ZMYM6: variants seen among roughly 807,000 people sequenced by gnomAD.
ZMYM6 encodes zinc finger MYM-type protein 6.
Under a neutral mutation model 134.0 loss-of-function variants are expected in ZMYM6, and 90 were observed. The ratio of observed to expected loss-of-function variants is 0.67; its 90% CI spans 0.57 to 0.80. The LOEUF is 0.80. Ranked by LOEUF, ZMYM6 falls within the 30% of genes least tolerant of loss-of-function variation. The pLI is 0.00. For missense variants in ZMYM6, 1,362 were observed against 1,533.9 expected, an observed-to-expected ratio of 0.89 and a Z score of 1.87; for synonymous variants, 481 against 524.1, an observed-to-expected ratio of 0.92 and a Z score of 1.12.
intron 2 of ZMYM6, among the ~76,000 whole-genome samples, chr1:35,024,646 T>C (rs2148461193): frequency 6.6e-6 from 1 of 152,328 alleles, no homozygotes; most frequent in Admixed American, 6.5e-5. Flanking sequence ...CACTTTATTG[T>C]TGATACTCAA....
At chr1:34,998,363 G>A (rs1640823387) in intron 14 of ZMYM6, among the ~76,000 whole-genome samples, 2 of 152,132 alleles carry the variant, frequency 1.3e-5, no homozygotes, top group South Asian at 2.1e-4. Context: ...TTTTAACTAC[G>A]TAGCTTTATA....
chr1:35,011,095 C>T (rs1244286501), intron 8 of ZMYM6, 59 bp from the exon 9 acceptor site: 4 of 1,508,976 alleles, frequency 2.7e-6, no homozygotes, highest in Non-Finnish European at 3.6e-6. Flanking sequence ...TAACTTTGTA[C>T]TTTTCATTTC....
chr1:35,016,688 T>C (rs1641193149), intron 4 of ZMYM6, among the ~76,000 whole-genome samples: 1 of 152,124 alleles, frequency 6.6e-6, no homozygotes, highest in South Asian at 2.1e-4. Context: ...ACCACAAAAA[T>C]GATGGAGTGC....
In ZMYM6 at chr1:34,988,677, T is replaced by A; in HGVS notation, c.2405A>T (p.Asp802Val). 1.3e-6 allele frequency: 2 copies of A among 1,547,836 alleles called. No individual in the cohort carries two copies. Residue 802 changes from aspartate to valine, a missense_variant, in exon 16 of 16, where the codon GAT becomes GTT. Physicochemically the swap from Asp to Val is radical, Grantham distance 152 (BLOSUM62 -3). This residue lies in a region of ZMYM6 where 824 missense variants were observed against 940.9 expected (regional missense o/e 0.88). Coordinates refer to ENST00000357182, the MANE Select transcript of ZMYM6 (RefSeq NM_007167.4). ...TTCTAAAGATTTTTGTTCAAAAAAA[T>A]CTACTGGTTTGTTTTCTAATTCTGA... ...KHSELENKPV[D>V]FFEQKSLEME...
intron 12 of ZMYM6, among the ~76,000 whole-genome samples, chr1:35,006,039 G>C (rs944048345): frequency 1.3e-5 from 2 of 152,082 alleles, no homozygotes; most frequent in African/African-American, 4.8e-5. Flanking sequence ...AGAGAATATC[G>C]TTCTGTAGCC....
Position 34,992,307 on chromosome 1 carries a change from T to C in ZMYM6, c.2073A>G (p.Ile691Met), listed in dbSNP as rs199766681. Reference protein sequence around the residue: ...QPSRLLKNKGISCKPVTQTKA... With the variant: ...QPSRLLKNKGMSCKPVTQTKA... ...TGGTCTGTGTGACGGGTTTGCATGATATGCCTTTGTTCTTTAAAAGCCTGG... is the reference window on the plus strand; with the variant it reads ...TGGTCTGTGTGACGGGTTTGCATGACATGCCTTTGTTCTTTAAAAGCCTGG... Residue 691 changes from isoleucine to methionine, a missense_variant, in exon 15 of 16, where the codon ATA (isoleucine) becomes ATG (methionine). Transcript: ENST00000357182. 6.2e-7 allele frequency: 1 copy of C among 1,614,124 alleles called. No homozygotes were observed. Among genetic ancestry groups the C allele is most frequent in the Non-Finnish European group, 8.5e-7 (1 of 1,179,978 alleles).
intron 2 of ZMYM6, among the ~76,000 whole-genome samples, chr1:35,024,174 G>A (rs1235590322): frequency 6.6e-6 from 1 of 152,084 alleles, no homozygotes; most frequent in East Asian, 1.9e-4. Context: ...TCAGCAAACT[G>A]TCCTGCTATC....
intron 1 of ZMYM6, chr1:35,031,126 C>G (rs1263138807): frequency 6.5e-6 from 1 of 153,902 alleles, no homozygotes; most frequent in Non-Finnish European, 1.4e-5. Flanking sequence ...CAACAACCTC[C>G]CGGCCCTGAC....
intron 2 of ZMYM6, among the ~76,000 whole-genome samples, chr1:35,021,525 C>T (rs149532081): frequency 4.0e-5 from 6 of 151,538 alleles, no homozygotes; most frequent in Admixed American, 2.6e-4. Context: ...GAGGCTGAGG[C>T]AGGAGAATCA....
intron 2 of ZMYM6, among the ~76,000 whole-genome samples, chr1:35,025,482 AAAAAAAG>A (rs1641395185): frequency 1.3e-5 from 2 of 150,974 alleles, no homozygotes; most frequent in Non-Finnish European, 3.0e-5. Context: ...AAAAAAAAAA[AAAAAAAG>A]AAAGAAAAAA....
intron 2 of ZMYM6, among the ~76,000 whole-genome samples, chr1:35,022,001 C>T (rs114470591): frequency 3.8e-4 from 58 of 152,250 alleles, no homozygotes; most frequent in Non-Finnish European, 6.3e-4. Context: ...TTTTTAATCT[C>T]TCCACACATA....
Position 35,008,738 on chromosome 1 carries a change from A to T in ZMYM6, c.1665+14T>A. The T allele has an allele frequency of 6.2e-7, 1 of 1,602,310 alleles. No individual in the cohort carries two copies. The highest frequency in any genetic ancestry group is 8.5e-7 in the Non-Finnish European group (1 of 1,175,532). ...GATTTCAGAAAGCCAAAAAAAGTAT[A>T]TTATCACATTTACCTGATAAAACAG... On this transcript the variant is annotated intron_variant, in intron 11 of 15. Coordinates refer to ENST00000357182, the MANE Select transcript of ZMYM6 (RefSeq NM_007167.4).
At chr1:35,021,118 A>AT (rs375899509) in intron 2 of ZMYM6, among the ~76,000 whole-genome samples, 32,165 of 139,170 alleles carry the variant, frequency 0.23, 7,415 homozygotes, top group African/African-American at 0.6. Flanking sequence ...GAAAAAAAAA[A>AT]TTTTTTTTTT....
intron 14 of ZMYM6, among the ~76,000 whole-genome samples, chr1:34,993,724 C>T (rs1257838043): frequency 6.6e-6 from 1 of 151,778 alleles, no homozygotes; most frequent in Non-Finnish European, 1.5e-5. Context: ...CGCTCTGTCA[C>T]CCAGGCTGGA....
chr1:35,028,914 G>A (rs1280377982), intron 2 of ZMYM6, among the ~76,000 whole-genome samples: 4 of 152,094 alleles, frequency 2.6e-5, no homozygotes, highest in African/African-American at 9.7e-5. Flanking sequence ...CAATTGGCCA[G>A]GTGTGGTGGC....
intron 10 of ZMYM6, among the ~76,000 whole-genome samples, chr1:35,009,836 T>G (rs1641052019): frequency 6.6e-6 from 1 of 151,916 alleles, no homozygotes; most frequent in African/African-American, 2.4e-5. Flanking sequence ...CTTGGGAGGC[T>G]GAAGTGGGAG....
At chr1:35,020,327 TA>T in intron 3 of ZMYM6, 55 bp downstream of exon 3, 1 of 1,486,874 alleles carries the variant, frequency 6.7e-7, no homozygotes. Context: ...CCCTCAATTT[TA>T]AAAGTCAGAA....
chr1:35,030,873 CAGTAGCTACATA>C lies in ZMYM6; in HGVS notation c.-74-172_-74-161del, dbSNP rs1641509754. Reference sequence around the variant, plus strand: ...TCTTTCTTCCTGCTTTCTGTTCCTTCAGTAGCTACATAAGAAAACAGTTTTGGGGCAACAGCT... The same window carrying C: ...TCTTTCTTCCTGCTTTCTGTTCCTTCAGAAAACAGTTTTGGGGCAACAGCT... On this transcript the variant is annotated intron_variant, in intron 1 of 15. Coordinates refer to ENST00000357182, the MANE Select transcript of ZMYM6 (RefSeq NM_007167.4). The C allele has an allele frequency of 1.2e-5, 6 of 505,898 alleles. No homozygotes were observed. The South Asian group carries it at 1.7e-4, about 14-fold the overall frequency. The allele number at this position is 505,898 out of a possible 1,614,324, so 31.3% of individuals were successfully genotyped here.
In ZMYM6 at chr1:35,015,146, T is replaced by C. The variant is rs749924733; in HGVS notation, c.445A>G (p.Lys149Glu). The change falls in exon 5 of 16, where the codon AAG becomes GAG. Residue 149 changes from lysine to glutamate, a missense_variant. Physicochemically the swap from Lys to Glu is moderately conservative, Grantham distance 56. Coordinates refer to ENST00000357182, the MANE Select transcript of ZMYM6 (RefSeq NM_007167.4). Reference protein sequence around the residue: ...TNCSKDILNPKDVITTRFENS... With the variant: ...TNCSKDILNPEDVITTRFENS... ...TCAAAGCGAGTTGTGATCACATCCTTAGGATTTAAAATGTCTCTAAAAATA... is the reference window on the plus strand; with the variant it reads ...TCAAAGCGAGTTGTGATCACATCCTCAGGATTTAAAATGTCTCTAAAAATA... 6.3e-7 allele frequency: 1 copy of C among 1,597,092 alleles called. No homozygotes were observed. Among genetic ancestry groups the C allele is most frequent in the South Asian group, 1.1e-5 (1 of 88,518 alleles).
Sources: allele counts gnomAD v4.1 joint callset (sites outside exome capture counted in the v4.1 genomes callset), GRCh38; gene constraint gnomAD v4.1.1; regional missense constraint gnomAD v4.1.1; transcripts MANE v1.5; gene names NCBI Gene and HGNC (gene_info 2026-07-23, HGNC 2026-07-21).